PEG3: variants seen among roughly 807,000 people sequenced by gnomAD.
PEG3 encodes paternally expressed 3, also known as paternally-expressed gene 3 protein.
A neutral mutation model predicts 35.5 loss-of-function variants in PEG3; 23 were observed. The observed-to-expected ratio is 0.65, with a 90% CI of 0.47 to 0.92. The LOEUF is 0.92. Among genes scored for constraint, PEG3 ranks in the 40% least tolerant of loss-of-function variants. The pLI is 0.00. For synonymous variants in PEG3, 707 were observed against 697.0 expected, an observed-to-expected ratio of 1.01 and a Z score of -0.23; for missense variants, 1,960 against 1,985.3, an observed-to-expected ratio of 0.99 and a Z score of 0.24.
At chr19:56,836,742 G>A (rs1463437697) in intron 1 of PEG3, among the ~76,000 whole-genome samples, 1 of 152,168 alleles carries the variant, frequency 6.6e-6, no homozygotes, top group Non-Finnish European at 1.5e-5. Flanking sequence ...GCCAAGGCGG[G>A]CAGATCACCT....
intron 2 of PEG3, among the ~76,000 whole-genome samples, chr19:56,834,870 T>C (rs2061931445): frequency 6.6e-6 from 1 of 152,200 alleles, no homozygotes; most frequent in Non-Finnish European, 1.5e-5. Flanking sequence ...CCAGGGATTA[T>C]GTCATTCACT....
chr19:56,811,043 A>G lies in PEG3; in HGVS notation c.*2632T>C. ...GTTATAATCATAAACCTGTGCACAG[A>G]AACAAGAATGAACAAGATAAGAGGA... On this transcript the variant is annotated 3_prime_UTR_variant, in exon 10 of 10. Transcript: ENST00000326441. 1 of 981,440 alleles carries G rather than the reference A, an allele frequency of 1.0e-6. No individual in the cohort carries two copies. The highest frequency in any genetic ancestry group is 1.2e-6 in the Non-Finnish European group (1 of 827,026). The allele number at this position is 981,440 out of a possible 1,614,324, so 60.8% of individuals were successfully genotyped here. A position where few individuals can be genotyped will look rare whatever the true frequency, so the allele number is the denominator to read the frequency against.
Position 56,814,685 on chromosome 19 carries a change from G to A in PEG3, c.3757C>T (p.Leu1253=). ...HMRLHREDDL[L]EQSQMAEEAI... ...TCCTCAGCCATCTGGCTCTGCTCCA[G>A]TAAATCATCTTCCCTATGAAGTCTC... is the stretch of plus-strand genomic sequence containing the variant. Residue 1253 remains leucine (L), a synonymous_variant, in exon 10 of 10, where the codon CTG becomes TTG. Transcript: ENST00000326441. This position sits in a 1 kb window ranked among gnomAD's most constrained non-coding sequence, Gnocchi z 5.8. The A allele has an allele frequency of 6.2e-7, 1 of 1,614,064 alleles. No individual in the cohort carries two copies. The highest frequency in any genetic ancestry group is 8.5e-7 in the Non-Finnish European group (1 of 1,179,986).
chr19:56,817,544 G>A lies in PEG3; in HGVS notation c.898C>T (p.His300Tyr). The A allele has an allele frequency of 6.3e-7, 1 of 1,597,650 alleles. No individual in the cohort carries two copies. The highest frequency in any genetic ancestry group is 1.1e-5 in the South Asian group (1 of 88,818). ...KTMPEAKKST[H>Y]RRGICEDESS... ...TCATCTTCACAAATCCCCCGCCGGT[G>A]GGTTGATTTTTTGGCTTCAGGCATA... The change falls in exon 10 of 10, where the codon CAC (histidine) becomes TAC (tyrosine). Residue 300 changes from histidine to tyrosine, a missense_variant. Physicochemically the swap from His to Tyr is moderately conservative, Grantham distance 83 (BLOSUM62 2). Coordinates refer to ENST00000326441, the MANE Select transcript of PEG3 (RefSeq NM_006210.3).
At chr19:56,822,443 C>G (rs920751734) in intron 6 of PEG3, 2 of 318,688 alleles carry the variant, frequency 6.3e-6, no homozygotes, top group African/African-American at 4.3e-5. Flanking sequence ...TATGGCACTT[C>G]ATACTAGTTT....
In PEG3 at chr19:56,815,390, T is replaced by C; in HGVS notation, c.3052A>G (p.Ser1018Gly). The change falls in exon 10 of 10, where the codon AGT (serine) becomes GGT (glycine). Residue 1018 changes from serine (S) to glycine (G), a missense_variant. Transcript: ENST00000326441. ...RSLAPTDPQT[S>G]YAQEQYAKEQ... is the part of the protein sequence containing the mutation. The stretch of plus-strand genomic sequence containing the variant: ...TTAGCATACTGCTCTTGGGCGTAAC[T>C]TGTTTGAGGGTCAGTAGGGGCCAAG... 1.2e-6 allele frequency: 2 copies of C among 1,614,190 alleles called. No homozygotes were observed. Among genetic ancestry groups the C allele is most frequent in the Non-Finnish European group, 1.7e-6 (2 of 1,180,028 alleles).
chr19:56,831,758 C>T (rs2146536579), intron 2 of PEG3, among the ~76,000 whole-genome samples: 1 of 152,318 alleles, frequency 6.6e-6, no homozygotes, highest in East Asian at 1.9e-4. Context: ...GCAGGTATTG[C>T]AAAACATTCA....
At position 56,817,197 on chromosome 19, in the gene PEG3, G is replaced by C; in HGVS notation, c.1245C>G (p.Pro415=). The C allele has an allele frequency of 6.2e-7, 1 of 1,614,142 alleles. No homozygotes were observed. The highest frequency in any genetic ancestry group is 1.1e-5 in the South Asian group (1 of 91,082). Residue 415 remains proline, a synonymous_variant, in exon 10 of 10, where the codon CCC becomes CCG. Transcript: ENST00000326441. Reference sequence around the variant, plus strand: ...TTCTCATCTCACTACCACATTCAAAGGGCTTCTTCCTGGGACAGCCTTTTT... The same window carrying C: ...TTCTCATCTCACTACCACATTCAAACGGCTTCTTCCTGGGACAGCCTTTTT... ...HDQKGCPRKK[P]FECGSEMRKA...
intron 1 of PEG3, among the ~76,000 whole-genome samples, chr19:56,839,366 G>A (rs1332367523): frequency 2.0e-5 from 3 of 149,774 alleles, no homozygotes; most frequent in African/African-American, 7.4e-5. Flanking sequence ...AACCAACCAG[G>A]GCAGCACCTG....
At chr19:56,819,557 G>C (rs2060284266) in intron 7 of PEG3, among the ~76,000 whole-genome samples, 1 of 152,180 alleles carries the variant, frequency 6.6e-6, no homozygotes, top group Non-Finnish European at 1.5e-5. Context: ...GGTGCTGTGG[G>C]AAGCCCACAG....
intron 1 of PEG3, among the ~76,000 whole-genome samples, chr19:56,838,374 C>T (rs1601322449): frequency 6.6e-6 from 1 of 152,326 alleles, no homozygotes; most frequent in East Asian, 1.9e-4. Flanking sequence ...CTGTGGCTAG[C>T]ACAGACAGTA....
In PEG3 at chr19:56,813,044, A is replaced by G. The variant is rs1193492307; in HGVS notation, c.*631T>C. On this transcript the variant is annotated 3_prime_UTR_variant, in exon 10 of 10. Coordinates refer to ENST00000326441, the MANE Select transcript of PEG3 (RefSeq NM_006210.3). ...AACAGTAAGGAGTAAAAGCCATGTT[A>G]TCTATCATGCCTACAGCTTCACAAG... is the stretch of plus-strand genomic sequence containing the variant. 2 of 985,368 alleles carry G rather than the reference A, an allele frequency of 2.0e-6. No individual in the cohort carries two copies. The highest frequency in any genetic ancestry group is 2.4e-6 in the Non-Finnish European group (2 of 829,676). The allele number at this position is 985,368 out of a possible 1,614,324, so 61.0% of individuals were successfully genotyped here. A position where few individuals can be genotyped will look rare whatever the true frequency, so the allele number is the denominator to read the frequency against.
chr19:56,836,356 G>A (rs1189870328), intron 1 of PEG3, among the ~76,000 whole-genome samples: 2 of 152,118 alleles, frequency 1.3e-5, no homozygotes, highest in African/African-American at 4.8e-5. Flanking sequence ...AATTTCTGGG[G>A]TGTCTTACAA....
Position 56,816,730 on chromosome 19 carries a change from G to A in PEG3, c.1712C>T (p.Thr571Ile). ...KFYECRVCKE[T>I]FLHSSALIEH... ...AATCAGGGCAGAACTATGAAGGAAG[G>A]TTTCCTTACACACCCTGCACTCGTA... is the stretch of plus-strand genomic sequence containing the variant. Residue 571 changes from threonine to isoleucine, a missense_variant, in exon 10 of 10, where the codon ACC (threonine) becomes ATC (isoleucine). Physicochemically the swap from Thr to Ile is moderately conservative, Grantham distance 89 (BLOSUM62 -1). Coordinates refer to ENST00000326441, the MANE Select transcript of PEG3 (RefSeq NM_006210.3). 6.2e-7 allele frequency: 1 copy of A among 1,614,062 alleles called. No individual in the cohort carries two copies. The highest frequency in any genetic ancestry group is 8.5e-7 in the Non-Finnish European group (1 of 1,180,002).
Position 56,812,322 on chromosome 19 carries a change from C to A in PEG3, c.*1353G>T. 1.0e-6 allele frequency: 1 copy of A among 982,046 alleles called. No homozygotes were observed. Among genetic ancestry groups the A allele is most frequent in the Non-Finnish European group, 1.2e-6 (1 of 827,208 alleles). The allele number at this position is 982,046 out of a possible 1,614,324, so 60.8% of individuals were successfully genotyped here. On this transcript the variant is annotated 3_prime_UTR_variant, in exon 10 of 10. Coordinates refer to ENST00000326441, the MANE Select transcript of PEG3 (RefSeq NM_006210.3). ...GATGAACACAACACTCAGAAATACTCTAGGAGAGCTGAAAAAGAAGGAACA... is the reference window on the plus strand; with the variant it reads ...GATGAACACAACACTCAGAAATACTATAGGAGAGCTGAAAAAGAAGGAACA...
chr19:56,819,900 G>C (rs1232803017), intron 7 of PEG3, among the ~76,000 whole-genome samples: 1 of 152,180 alleles, frequency 6.6e-6, no homozygotes, highest in African/African-American at 2.4e-5. Context: ...AAGAGGTACG[G>C]GTATCTGGGT....
chr19:56,832,897 T>G (rs942763463), intron 2 of PEG3, among the ~76,000 whole-genome samples: 3 of 152,226 alleles, frequency 2.0e-5, no homozygotes, highest in African/African-American at 7.2e-5. Flanking sequence ...TGCCATTCTT[T>G]GGATATTTTA....
chr19:56,838,724 G>A (rs1422177876), intron 1 of PEG3, among the ~76,000 whole-genome samples: 2 of 152,214 alleles, frequency 1.3e-5, no homozygotes, highest in Non-Finnish European at 2.9e-5. Context: ...GGCTCCCCCA[G>A]ATGCGGGGAC....
chr19:56,824,538 T>C lies in PEG3; in HGVS notation c.118A>G (p.Thr40Ala), dbSNP rs1466638933. ...EPDVIIGEGP[T>A]DSEFFHQRFR... Reference sequence around the variant, plus strand: ...CTCTGATGAAAAAACTCAGAGTCAGTTGGACCTTCTCCTATGATGACATCC... The same window carrying C: ...CTCTGATGAAAAAACTCAGAGTCAGCTGGACCTTCTCCTATGATGACATCC... Residue 40 changes from threonine (T) to alanine (A), a missense_variant, in exon 4 of 10, where the codon ACT becomes GCT. Physicochemically the swap from Thr to Ala is moderately conservative, Grantham distance 58. Transcript: ENST00000326441. 6 of 1,614,166 alleles carry C rather than the reference T, an allele frequency of 3.7e-6. No homozygotes were observed. The highest frequency in any genetic ancestry group is 5.1e-6 in the Non-Finnish European group (6 of 1,180,016).
Sources: allele counts gnomAD v4.1 joint callset (sites outside exome capture counted in the v4.1 genomes callset), GRCh38; gene constraint gnomAD v4.1.1; non-coding constraint Gnocchi (gnomAD v3.1); transcripts MANE v1.5; gene names NCBI Gene and HGNC (gene_info 2026-07-23, HGNC 2026-07-21).